The following HSF2BP variants were observed in gnomAD, a reference collection of about 807,000 sequenced individuals.
The protein encoded by HSF2BP is heat shock factor 2-binding protein.
A neutral mutation model predicts 35.0 loss-of-function variants in HSF2BP; 35 were observed. That is an observed-to-expected ratio of 1.00 (90% CI 0.76 to 1.32). HSF2BP has a LOEUF of 1.32. Ranked by LOEUF, HSF2BP falls within the 40% of genes most tolerant of loss-of-function variation. The pLI is 0.00. For missense variants in HSF2BP, 326 were observed against 321.7 expected (o/e 1.01, Z -0.10); for synonymous variants, 114 against 117.4 (o/e 0.97, Z 0.18).
intron 6 of HSF2BP, among the ~76,000 whole-genome samples, chr21:43,617,398 A>T (rs546025821): frequency 6.6e-6 from 1 of 151,776 alleles, no homozygotes; most frequent in East Asian, 1.9e-4. Flanking sequence ...AATAAATGTG[A>T]ATAAATTCCT....
At chr21:43,605,074 C>T (rs112987789) in intron 7 of HSF2BP, among the ~76,000 whole-genome samples, 6 of 148,434 alleles carry the variant, frequency 4.0e-5, no homozygotes, top group South Asian at 2.2e-4. Flanking sequence ...ACACATCACA[C>T]GTACCACATA....
intron 7 of HSF2BP, among the ~76,000 whole-genome samples, chr21:43,612,433 C>T (rs1418785049): frequency 8.6e-5 from 13 of 152,034 alleles, no homozygotes; most frequent in Non-Finnish European, 2.9e-5. Flanking sequence ...GGGTGGATCA[C>T]GAGGTCAGGA....
intron 7 of HSF2BP, among the ~76,000 whole-genome samples, chr21:43,604,371 C>T (rs73367822): frequency 0.55 from 70,568 of 129,064 alleles, 18,084 homozygotes; most frequent in East Asian, 0.73. Flanking sequence ...CCACACAGCA[C>T]GCACACCACA....
In HSF2BP at chr21:43,592,236, C is replaced by T; in HGVS notation, c.785G>A (p.Trp262Ter). The change falls in exon 8 of 9, where the codon TGG becomes TAG. Residue 262 changes from tryptophan to a stop codon, truncating the protein, a stop_gained. Coordinates refer to ENST00000291560, the MANE Select transcript of HSF2BP (RefSeq NM_007031.2). LOFTEE classifies it high-confidence loss of function. ...ESPGFIPLLWWLLSDPDAEVC... is the reference protein window; with the variant it reads ...ESPGFIPLLW ...ACCACCCCCCTTACCACTCAAAAGC[C>T]ACCACAGCAAAGGGATGAATCCTGG... 1 of 1,612,588 alleles carries T rather than the reference C, an allele frequency of 6.2e-7. No homozygotes were observed. Among genetic ancestry groups the T allele is most frequent in the Non-Finnish European group, 8.5e-7 (1 of 1,178,650 alleles).
chr21:43,622,603 A>G (rs1270281039), intron 6 of HSF2BP, among the ~76,000 whole-genome samples: 1 of 152,212 alleles, frequency 6.6e-6, no homozygotes, highest in African/African-American at 2.4e-5. Context: ...AAAATGGACC[A>G]ACTCAGCTAG....
At chr21:43,658,344 C>G in intron 1 of HSF2BP, 24 bp from the exon 2 acceptor site, 1 of 532,720 alleles carries the variant, frequency 1.9e-6, no homozygotes, top group Non-Finnish European at 3.3e-6. Flanking sequence ...GGAAAGTCAG[C>G]CCCTGATGTA....
intron 6 of HSF2BP, among the ~76,000 whole-genome samples, chr21:43,626,936 C>G (rs1483719695): frequency 2.6e-5 from 4 of 151,660 alleles, no homozygotes; most frequent in Non-Finnish European, 5.9e-5. Context: ...GGCACGATCT[C>G]AGCTCACTAC....
chr21:43,585,270 A>G (rs1405281550), intron 8 of HSF2BP, among the ~76,000 whole-genome samples: 1 of 152,174 alleles, frequency 6.6e-6, no homozygotes, highest in Non-Finnish European at 1.5e-5. Flanking sequence ...GCATCACTCC[A>G]CTACAGTCCA....
chr21:43,596,573 G>A (rs1039352294), intron 7 of HSF2BP, among the ~76,000 whole-genome samples: 1 of 152,056 alleles, frequency 6.6e-6, no homozygotes, highest in Non-Finnish European at 1.5e-5. Context: ...CTGAAGAGAA[G>A]TGCCCCCTTG....
chr21:43,582,503 CCTG>C (rs2081768392), intron 8 of HSF2BP, among the ~76,000 whole-genome samples: 2 of 123,578 alleles, frequency 1.6e-5, no homozygotes, highest in African/African-American at 3.2e-5. Context: ...AGATGAAGGG[CCTG>C]CTGAGGGAGA....
chr21:43,622,783 C>T (rs1479015197), intron 6 of HSF2BP, among the ~76,000 whole-genome samples: 1 of 152,030 alleles, frequency 6.6e-6, no homozygotes, highest in Non-Finnish European at 1.5e-5. Context: ...AAAAAATCAA[C>T]AAAGAAACAT....
At chr21:43,585,468 T>C (rs2081837185) in intron 8 of HSF2BP, among the ~76,000 whole-genome samples, 1 of 151,812 alleles carries the variant, frequency 6.6e-6, no homozygotes, top group Non-Finnish European at 1.5e-5. Context: ...CAACCCAAGG[T>C]GATGGTGGCT....
chr21:43,614,338 G>C (rs1213210772), intron 6 of HSF2BP, among the ~76,000 whole-genome samples: 2 of 151,166 alleles, frequency 1.3e-5, no homozygotes, highest in Non-Finnish European at 2.9e-5. Flanking sequence ...ACTCCAGCCT[G>C]GGTGACAGAG....
At chr21:43,610,209 T>C (rs1400160602) in intron 7 of HSF2BP, among the ~76,000 whole-genome samples, 2 of 151,868 alleles carry the variant, frequency 1.3e-5, no homozygotes, top group African/African-American at 2.4e-5. Flanking sequence ...GGTACAAACA[T>C]GTGAAGAGCC....
intron 6 of HSF2BP, among the ~76,000 whole-genome samples, chr21:43,617,771 T>G (rs2082287670): frequency 6.6e-6 from 1 of 151,820 alleles, no homozygotes; most frequent in Non-Finnish European, 1.5e-5. Context: ...CTGGCCAACA[T>G]GGAGAAACCC....
At chr21:43,638,190 T>G (rs1170933247) in intron 4 of HSF2BP, among the ~76,000 whole-genome samples, 3 of 152,130 alleles carry the variant, frequency 2.0e-5, no homozygotes, top group African/African-American at 7.2e-5. Context: ...CCGGGTGCGG[T>G]GGCTCACACC....
At chr21:43,603,002 T>C (rs1040292706) in intron 7 of HSF2BP, among the ~76,000 whole-genome samples, 12 of 152,024 alleles carry the variant, frequency 7.9e-5, no homozygotes, top group Non-Finnish European at 1.3e-4. Flanking sequence ...ACTCAAGGAC[T>C]GGTAAAATCA....
chr21:43,576,175 A>T (rs960980315), intron 8 of HSF2BP, among the ~76,000 whole-genome samples: 1 of 151,776 alleles, frequency 6.6e-6, no homozygotes, highest in Middle Eastern at 3.5e-3. Flanking sequence ...GTATGTAATG[A>T]TATCAATCTC....
intron 3 of HSF2BP, among the ~76,000 whole-genome samples, chr21:43,653,839 G>A (rs1164996302): frequency 1.3e-5 from 2 of 152,130 alleles, no homozygotes; most frequent in Non-Finnish European, 2.9e-5. Flanking sequence ...CATCCATGAA[G>A]TAACACTCAC....
Sources: allele counts gnomAD v4.1 joint callset (sites outside exome capture counted in the v4.1 genomes callset), GRCh38; gene constraint gnomAD v4.1.1; transcripts MANE v1.5; gene names NCBI Gene and HGNC (gene_info 2026-07-23, HGNC 2026-07-21).